The following DLGAP1 variants were observed in gnomAD, a reference collection of about 807,000 sequenced individuals.
DLGAP1 encodes the protein DLG associated protein 1.
Under a neutral mutation model 90.8 loss-of-function variants are expected in DLGAP1, and 11 were observed. The observed-to-expected ratio is 0.12, with a 90% CI of 0.08 to 0.20. The LOEUF (loss-of-function observed/expected upper bound fraction) is 0.20. Among genes scored for constraint, DLGAP1 ranks in the 10% least tolerant of loss-of-function variants. The pLI is 1.00. For synonymous variants in DLGAP1, 558 were observed against 540.7 expected (o/e 1.03, Z -0.44); for missense variants, 1,050 against 1,333.8 (o/e 0.79, Z 3.31).
intron 3 of DLGAP1, among the ~76,000 whole-genome samples, chr18:3,880,847 G>T (rs552104611): frequency 1.3e-5 from 2 of 150,648 alleles, no homozygotes; most frequent in Admixed American, 1.3e-4. Context: ...GGAGGCTGAG[G>T]CAGGAGAATT....
At chr18:4,182,938 G>A (rs2077232512) in intron 1 of DLGAP1, among the ~76,000 whole-genome samples, 1 of 152,122 alleles carries the variant, frequency 6.6e-6, no homozygotes, top group Non-Finnish European at 1.5e-5. Flanking sequence ...GCAGGAGATT[G>A]TGAACAAGGA....
At chr18:3,679,570 C>T (rs2060434959) in intron 7 of DLGAP1, among the ~76,000 whole-genome samples, 1 of 150,454 alleles carries the variant, frequency 6.6e-6, no homozygotes. Context: ...GTCACTGCAA[C>T]ACACAGGCAG....
At chr18:4,159,315 A>T (rs2076806845) in intron 1 of DLGAP1, among the ~76,000 whole-genome samples, 1 of 152,178 alleles carries the variant, frequency 6.6e-6, no homozygotes, top group South Asian at 2.1e-4. Context: ...AGTGCCCTTC[A>T]TGATCTGGCC....
chr18:4,230,984 C>T lies in DLGAP1; in HGVS notation c.-266-79697G>A, dbSNP rs1376949039. Among the ~76,000 whole-genome samples, 3 of 151,930 alleles carry T rather than the reference C, an allele frequency of 2.0e-5. No homozygotes were observed. In the South Asian group the frequency reaches 6.2e-4, roughly 32 times the overall value. ...TAAAAAGCAGCGCTGTGGTAGCTGT[C>T]CGTGGTACTTGTCCACAGTCCTGAA... On this transcript the variant is annotated intron_variant, in intron 1 of 12. Transcript: ENST00000315677.
chr18:3,739,197 C>G, intron 6 of DLGAP1, among the ~76,000 whole-genome samples: 2 of 146,502 alleles, frequency 1.4e-5, no homozygotes, highest in African/African-American at 5.2e-5. Flanking sequence ...ACTAGTTCAA[C>G]CATTGTGGAA....
intron 2 of DLGAP1, among the ~76,000 whole-genome samples, chr18:4,063,673 TCTCA>T (rs2075331705): frequency 1.3e-5 from 2 of 152,076 alleles, no homozygotes; most frequent in Admixed American, 1.3e-4. Flanking sequence ...TACTATCTAT[TCTCA>T]CTAAGGGAGC....
At chr18:3,896,269 C>T (rs2071621119) in intron 3 of DLGAP1, 1 of 152,180 alleles carries the variant, frequency 6.6e-6, no homozygotes, top group Non-Finnish European at 1.5e-5. Flanking sequence ...ACATGCTATT[C>T]CTGCTCCTCA....
intron 1 of DLGAP1, among the ~76,000 whole-genome samples, chr18:4,225,838 T>C (rs1032471418): frequency 1.3e-5 from 2 of 152,096 alleles, no homozygotes; most frequent in African/African-American, 4.8e-5. Context: ...ATAAGAGTTA[T>C]TGGCCTTAAA....
chr18:4,021,629 G>T (rs2074611501), intron 2 of DLGAP1, among the ~76,000 whole-genome samples: 1 of 151,676 alleles, frequency 6.6e-6, no homozygotes, highest in African/African-American at 2.4e-5. Context: ...ACCGAGACTT[G>T]CTCTGTCGCC....
intron 5 of DLGAP1, among the ~76,000 whole-genome samples, chr18:3,779,295 C>T (rs1473010296): frequency 1.3e-5 from 2 of 152,108 alleles, no homozygotes; most frequent in South Asian, 2.1e-4. Context: ...AGGCTGGTCT[C>T]GAACTCCTGA....
At chr18:3,585,691 C>T (rs1394960900) in intron 7 of DLGAP1, among the ~76,000 whole-genome samples, 2 of 152,150 alleles carry the variant, frequency 1.3e-5, no homozygotes, top group African/African-American at 2.4e-5. Flanking sequence ...CACCTGTCAT[C>T]CCAGCGTTTT....
rs79454925 is a variant in DLGAP1, at chr18:4,155,069, T to C, written c.-266-3782A>G. 9.4e-3 allele frequency among the ~76,000 whole-genome samples: 1,427 copies of C among 151,982 alleles called. 24 individuals are homozygous for C. The highest frequency in any genetic ancestry group is 0.034 in the Middle Eastern group (10 of 292). ...AGGGAGGTGTAGGGAGGAGAAGGGA[T>C]TCCACCAAGAAAGTGAGATTTGATC... On this transcript the variant is annotated intron_variant, in intron 1 of 12. Transcript: ENST00000315677.
chr18:3,743,834 G>C (rs1020033807), intron 5 of DLGAP1, among the ~76,000 whole-genome samples: 1 of 152,054 alleles, frequency 6.6e-6, no homozygotes, highest in African/African-American at 2.4e-5. Flanking sequence ...ACTTTTTGTA[G>C]AGATGGGGTT....
intron 2 of DLGAP1, among the ~76,000 whole-genome samples, chr18:4,146,510 G>C (rs988714966): frequency 3.9e-5 from 6 of 152,160 alleles, no homozygotes; most frequent in African/African-American, 1.4e-4. Flanking sequence ...TAAGGCACTA[G>C]AATGGATTCC....
At chr18:4,390,645 C>G (rs1369574156) in intron 1 of DLGAP1, among the ~76,000 whole-genome samples, 1 of 152,126 alleles carries the variant, frequency 6.6e-6, no homozygotes, top group African/African-American at 2.4e-5. Flanking sequence ...AGATTATTTT[C>G]TTTCACTTAG....
chr18:3,663,069 C>T (rs1567921126), intron 7 of DLGAP1, among the ~76,000 whole-genome samples: 1 of 151,900 alleles, frequency 6.6e-6, no homozygotes, highest in African/African-American at 2.4e-5. Flanking sequence ...GTCAGGAGTT[C>T]GAGATCAGCC....
intron 1 of DLGAP1, among the ~76,000 whole-genome samples, chr18:4,242,775 G>A (rs967451770): frequency 1.3e-5 from 2 of 151,980 alleles, no homozygotes; most frequent in African/African-American, 4.8e-5. Flanking sequence ...GATTACAAAT[G>A]CAGTACACAT....
intron 1 of DLGAP1, among the ~76,000 whole-genome samples, chr18:4,330,975 T>C (rs993107210): frequency 6.6e-6 from 1 of 151,168 alleles, no homozygotes; most frequent in Non-Finnish European, 1.5e-5. Flanking sequence ...TCTCTTTTTC[T>C]TTGTAGCTCT....
At chr18:4,428,443 A>G (rs4797166) in intron 1 of DLGAP1, among the ~76,000 whole-genome samples, 4,406 of 152,186 alleles carry the variant, frequency 0.029, 95 homozygotes, top group South Asian at 0.092. Context: ...TTAGCTGGGC[A>G]TGGTGGCGCA....
Sources: gnomAD v4.1 joint callset for allele counts (sites outside exome capture counted in the v4.1 genomes callset) on GRCh38, gnomAD v4.1.1 for gene constraint, MANE v1.5 for transcripts, NCBI Gene and HGNC (gene_info 2026-07-23, HGNC 2026-07-21) for gene names.